Variants in KCNH1 observed in about 807,000 individuals in gnomAD.
KCNH1 encodes potassium voltage-gated channel subfamily H member 1, also known as voltage-gated delayed rectifier potassium channel KCNH1.
KCNH1 carries 27 observed loss-of-function variants against 69.2 expected under a neutral mutation model. The ratio of observed to expected loss-of-function variants is 0.39; its 90% confidence interval spans 0.29 to 0.54. The LOEUF (loss-of-function observed/expected upper bound fraction) is 0.54, where lower values mean the gene tolerates loss of function less well. Ranked by LOEUF, KCNH1 falls within the 20% of genes least tolerant of loss-of-function variation. KCNH1 has a pLI of 0.68. For missense variants in KCNH1, 798 were observed against 1,261.6 expected (o/e 0.63, Z 5.57); for synonymous variants, 456 against 487.7 (o/e 0.93, Z 0.86).
chr1:211,069,563 T>C (rs1256061674), intron 5 of KCNH1, among the ~76,000 whole-genome samples: 1 of 152,102 alleles, frequency 6.6e-6, no homozygotes, highest in East Asian at 1.9e-4. Context: ...ATGCTGGAGA[T>C]AAGAAACACT....
chr1:210,699,835 C>T (rs1001937011), intron 10 of KCNH1, among the ~76,000 whole-genome samples: 7 of 152,196 alleles, frequency 4.6e-5, no homozygotes, highest in African/African-American at 1.4e-4. Context: ...GACGCTGAGG[C>T]ACCAAGGTGT....
intron 10 of KCNH1, among the ~76,000 whole-genome samples, chr1:210,734,368 G>C (rs1207309482): frequency 1.3e-5 from 2 of 152,104 alleles, no homozygotes; most frequent in Non-Finnish European, 2.9e-5. Context: ...TTGGTTGACT[G>C]TACTTCTTAA....
Position 210,987,632 on chromosome 1 carries a change from G to A in KCNH1, c.1032+31151C>T, listed in dbSNP as rs534235265. The stretch of plus-strand genomic sequence containing the variant: ...GAACCGCAAATGCTGCTGCCTGATC[G>A]TTCCTCTGGAAGTTTTGTCTCAGAG... On this transcript the variant is annotated intron_variant, in intron 6 of 10. Coordinates refer to ENST00000271751, the MANE Select transcript of KCNH1 (RefSeq NM_172362.3). 1.8e-3 allele frequency among the ~76,000 whole-genome samples: 270 copies of A among 152,254 alleles called. 1 individual carries two copies. Among genetic ancestry groups the A allele is most frequent in the African/African-American group, 6.2e-3 (259 of 41,544 alleles).
intron 10 of KCNH1, among the ~76,000 whole-genome samples, chr1:210,685,920 C>T (rs1463374333): frequency 6.6e-6 from 1 of 152,232 alleles, no homozygotes; most frequent in Non-Finnish European, 1.5e-5. Flanking sequence ...CGTCTATGCT[C>T]TAACTTCTTG....
chr1:210,811,717 T>C (rs902463008), intron 7 of KCNH1, among the ~76,000 whole-genome samples: 19 of 152,080 alleles, frequency 1.2e-4, no homozygotes, highest in Non-Finnish European at 1.3e-4. Context: ...AAAAATGGTT[T>C]CCAAACCCGC....
At chr1:210,962,205 T>C (rs1303344786) in intron 6 of KCNH1, among the ~76,000 whole-genome samples, 1 of 152,224 alleles carries the variant, frequency 6.6e-6, no homozygotes, top group Non-Finnish European at 1.5e-5. Flanking sequence ...CCCCTCCCTA[T>C]GGCATGGCCT....
chr1:211,115,494 T>C (rs1362087217), intron 1 of KCNH1, among the ~76,000 whole-genome samples: 2 of 151,782 alleles, frequency 1.3e-5, no homozygotes, highest in Admixed American at 1.3e-4. Flanking sequence ...CCAGCAAATA[T>C]AAAGCAGGCA....
intron 10 of KCNH1, among the ~76,000 whole-genome samples, chr1:210,709,063 C>A (rs1681988370): frequency 6.6e-6 from 1 of 152,108 alleles, no homozygotes; most frequent in African/African-American, 2.4e-5. Flanking sequence ...CCAGCCTGAC[C>A]AACATGGTGA....
chr1:211,132,137 A>G (rs1387676461), intron 1 of KCNH1, among the ~76,000 whole-genome samples: 4 of 152,144 alleles, frequency 2.6e-5, no homozygotes, highest in African/African-American at 9.7e-5. Flanking sequence ...TTCCCCTCTA[A>G]CTTACAGGGC....
intron 10 of KCNH1, among the ~76,000 whole-genome samples, chr1:210,740,839 G>A (rs549038594): frequency 1.3e-5 from 2 of 151,270 alleles, no homozygotes; most frequent in African/African-American, 4.9e-5. Context: ...GAGGAGGGAG[G>A]AAAGGACGGA....
Position 210,797,024 on chromosome 1 carries a change from G to A in KCNH1, c.1915+484C>T, listed in dbSNP as rs951032935. The stretch of plus-strand genomic sequence containing the variant: ...GATATCTTACCATGTCCCCTCTTGT[G>A]TTCCAGCCACACTAAATAATTTGTA... On this transcript the variant is annotated intron_variant, in intron 9 of 10. Transcript: ENST00000271751. 1.3e-5 allele frequency among the ~76,000 whole-genome samples: 2 copies of A among 152,092 alleles called. 1 individual carries two copies. The highest frequency in any genetic ancestry group is 2.9e-5 in the Non-Finnish European group (2 of 68,032).
At chr1:210,789,128 C>G (rs1352989740) in intron 9 of KCNH1, among the ~76,000 whole-genome samples, 5 of 152,180 alleles carry the variant, frequency 3.3e-5, no homozygotes, top group Non-Finnish European at 2.9e-5. Context: ...TAAGCATGAG[C>G]AAACAACATT....
intron 6 of KCNH1, among the ~76,000 whole-genome samples, chr1:210,940,825 A>G (rs1687863888): frequency 6.6e-6 from 1 of 152,256 alleles, no homozygotes; most frequent in South Asian, 2.1e-4. Flanking sequence ...AGGAAATGAA[A>G]TTAATCCAAG....
intron 2 of KCNH1, among the ~76,000 whole-genome samples, chr1:211,105,713 A>G (rs1046227354): frequency 2.6e-4 from 40 of 152,258 alleles, no homozygotes; most frequent in African/African-American, 9.4e-4. Context: ...TTCAAGTCAC[A>G]CTAAAAAGTG....
chr1:210,824,122 C>A (rs1182366243), intron 7 of KCNH1, among the ~76,000 whole-genome samples: 1 of 149,256 alleles, frequency 6.7e-6, no homozygotes, highest in African/African-American at 2.5e-5. Flanking sequence ...GTTTCTAAAC[C>A]TTTGTTCCCA....
Position 210,822,547 on chromosome 1 carries a change from A to G in KCNH1, c.1463-18381T>C, listed in dbSNP as rs557704382. 8.4e-4 allele frequency among the ~76,000 whole-genome samples: 128 copies of G among 152,254 alleles called. 1 individual carries two copies. Among genetic ancestry groups the G allele is most frequent in the African/African-American group, 3.0e-3 (123 of 41,552 alleles). On this transcript the variant is annotated intron_variant, in intron 7 of 10. Coordinates refer to ENST00000271751, the MANE Select transcript of KCNH1 (RefSeq NM_172362.3). ...GTAATGAAATCACTTAGAAGGTCCT[A>G]TGCTTGGTTGAATGCTCCACTGTTG... is the stretch of plus-strand genomic sequence containing the variant.
chr1:211,030,597 A>G (rs1186001975), intron 5 of KCNH1, among the ~76,000 whole-genome samples: 1 of 152,180 alleles, frequency 6.6e-6, no homozygotes, highest in African/African-American at 2.4e-5. Flanking sequence ...ATCTTATTTA[A>G]AAATTAACTC....
rs1553346590 is a variant in KCNH1 at position 210,806,836 on chromosome 1, A to AATATATAT, written c.1463-2678_1463-2671dup. On this transcript the variant is annotated intron_variant, in intron 7 of 10. Transcript: ENST00000271751. ...AAAAAAAAAAAAAAAAAAAAAAAAA[A>AATATATAT]ATATATATATATATATATAAATTTG... 6.0e-4 allele frequency among the ~76,000 whole-genome samples: 51 copies of AATATATAT among 85,608 alleles called. 2 individuals are homozygous for AATATATAT. Among genetic ancestry groups the AATATATAT allele is most frequent in the African/African-American group, 2.1e-3 (41 of 19,702 alleles). The allele number at this position is 85,608 out of a possible 152,430, so 56.2% of individuals were successfully genotyped here. A position where few individuals can be genotyped will look rare whatever the true frequency, so the allele number is the denominator to read the frequency against.
At chr1:210,818,806 A>G (rs1405184581) in intron 7 of KCNH1, among the ~76,000 whole-genome samples, 1 of 152,198 alleles carries the variant, frequency 6.6e-6, no homozygotes, top group Non-Finnish European at 1.5e-5. Context: ...GACAATGACT[A>G]TTGTTCTCAA....
Sources: allele counts gnomAD v4.1 joint callset (sites outside exome capture counted in the v4.1 genomes callset), GRCh38; gene constraint gnomAD v4.1.1; transcripts MANE v1.5; gene names NCBI Gene and HGNC (gene_info 2026-07-23, HGNC 2026-07-21).